CLN8: variants seen among roughly 807,000 people sequenced by gnomAD.
The protein encoded by CLN8 is CLN8 transmembrane ER and ERGIC protein, also known as protein CLN8.
CLN8 carries 14 observed loss-of-function variants against 15.7 expected under a neutral mutation model. That is an observed-to-expected ratio of 0.89 (90% CI 0.59 to 1.39). The LOEUF (loss-of-function observed/expected upper bound fraction) is 1.39, where lower values mean the gene tolerates loss of function less well. Among genes scored for constraint, CLN8 ranks in the 40% most tolerant of loss-of-function variants. The pLI is 0.00. For synonymous variants in CLN8, 188 were observed against 151.0 expected (o/e 1.25, Z -1.80); for missense variants, 415 against 364.0 (o/e 1.14, Z -1.14).
intron 1 of CLN8, among the ~76,000 whole-genome samples, chr8:1,766,950 G>A (rs1364130425): frequency 6.6e-6 from 1 of 152,344 alleles, no homozygotes. Flanking sequence ...ACTTCTGTGG[G>A]TGCCCACCTT....
chr8:1,780,691 C>G lies in CLN8; in HGVS notation c.*124C>G. 1.2e-6 allele frequency: 1 copy of G among 857,632 alleles called. No homozygotes were observed. Among genetic ancestry groups the G allele is most frequent in the Non-Finnish European group, 1.8e-6 (1 of 554,124 alleles). 53.1% of individuals were successfully genotyped at this position (857,632 alleles called of 1,614,324 possible). On this transcript the variant is annotated 3_prime_UTR_variant, in exon 3 of 3. Coordinates refer to ENST00000331222, the MANE Select transcript of CLN8 (RefSeq NM_018941.4). ...TTTGTGTTTACTTCTAAGGGAAATA[C>G]TAACTTTCTTTCGCATTAGTATTAA...
upstream of CLN8, among the ~76,000 whole-genome samples, chr8:1,760,795 G>A (rs752059663): frequency 6.6e-6 from 1 of 152,154 alleles, no homozygotes; most frequent in Non-Finnish European, 1.5e-5. Flanking sequence ...AGTGCAGTGA[G>A]AGACAGCTGC....
intron 1 of CLN8, among the ~76,000 whole-genome samples, chr8:1,756,597 T>C (rs1459269442): frequency 7.1e-6 from 1 of 141,170 alleles, no homozygotes. Flanking sequence ...GGTTTGAGTC[T>C]ATAAATTTGT....
chr8:1,780,566 A>G lies in CLN8; in HGVS notation c.860A>G (p.Ter287TrpextTer26). Residue 287 changes from the stop codon to tryptophan (W), a stop_lost, in exon 3 of 3, where the codon TAG becomes TGG. Transcript: ENST00000331222. ...NGQLLRKKRP* is the reference protein window; with the variant it reads ...NGQLLRKKRPW ...CAGCTGCTGCGGAAGAAGAGGCCAT[A>G]GCTGCTCCAGCCGGGGCTCCGGGGC... 2 of 1,612,770 alleles carry G rather than the reference A, an allele frequency of 1.2e-6. No individual in the cohort carries two copies. Among genetic ancestry groups the G allele is most frequent in the Non-Finnish European group, 1.7e-6 (2 of 1,178,952 alleles).
exon 1 of CLN8, chr8:1,755,804 C>A (rs1010020650): frequency 6.6e-6 from 1 of 152,222 alleles, no homozygotes; most frequent in African/African-American, 2.4e-5. Context: ...GCAGAGTCAT[C>A]TTCAGAATGA....
intron 2 of CLN8, among the ~76,000 whole-genome samples, chr8:1,774,594 G>T (rs7008465): frequency 0.82 from 125,292 of 152,154 alleles, 52,000 homozygotes; most frequent in African/African-American, 0.91. Flanking sequence ...TTAGGATGGG[G>T]GTCTAAGTCA....
intron 1 of CLN8, among the ~76,000 whole-genome samples, chr8:1,764,105 C>A (rs1489940152): frequency 1.3e-5 from 2 of 148,816 alleles, no homozygotes; most frequent in Non-Finnish European, 3.0e-5. Context: ...CCCAGATGGG[C>A]GCGCGGGAGC....
Position 1,785,803 on chromosome 8 carries a change from A to G in CLN8, c.*5236A>G. 1 of 170,926 alleles carries G rather than the reference A, an allele frequency of 5.9e-6. No homozygotes were observed. Among genetic ancestry groups the G allele is most frequent in the South Asian group, 1.1e-4 (1 of 8,908 alleles). The allele number at this position is 170,926 out of a possible 1,614,324, so 10.6% of individuals were successfully genotyped here. On this transcript the variant is annotated 3_prime_UTR_variant, in exon 3 of 3. Coordinates refer to ENST00000331222, the MANE Select transcript of CLN8 (RefSeq NM_018941.4). ...TACTGGTCAGATGCACGGGCTCCCT[A>G]AACCCCTGCTGTGGCTTCGGCAGTA...
chr8:1,753,150 G>A (rs1800592577), upstream of CLN8, among the ~76,000 whole-genome samples: 1 of 152,166 alleles, frequency 6.6e-6, no homozygotes, highest in African/African-American at 2.4e-5. Context: ...CATAAGTTGG[G>A]AGGTTGGTAC....
intron 1 of CLN8, among the ~76,000 whole-genome samples, chr8:1,768,442 A>G (rs1801154010): frequency 6.6e-6 from 1 of 152,154 alleles, no homozygotes; most frequent in African/African-American, 2.4e-5. Flanking sequence ...AGCCTTCTGG[A>G]GTCGGGGTTT....
rs986978282 is a variant in CLN8 at position 1,783,401 on chromosome 8, G to A, written c.*2834G>A. Reference sequence around the variant, plus strand: ...TCGGCCTTAACTCCACCTGATGGCAGGTGACCCGGATAGAAAATGGCCCTG... The same window carrying A: ...TCGGCCTTAACTCCACCTGATGGCAAGTGACCCGGATAGAAAATGGCCCTG... On this transcript the variant is annotated 3_prime_UTR_variant, in exon 3 of 3. Coordinates refer to ENST00000331222, the MANE Select transcript of CLN8 (RefSeq NM_018941.4). 2.0e-5 allele frequency: 3 copies of A among 152,266 alleles called. No individual in the cohort carries two copies. The highest frequency in any genetic ancestry group is 4.4e-5 in the Non-Finnish European group (3 of 68,046). 9.4% of individuals were successfully genotyped at this position (152,266 alleles called of 1,614,324 possible). A position where few individuals can be genotyped will look rare whatever the true frequency, so the allele number is the denominator to read the frequency against.
intron 1 of CLN8, among the ~76,000 whole-genome samples, chr8:1,757,670 G>T (rs1403258156): frequency 6.6e-6 from 1 of 152,152 alleles, no homozygotes; most frequent in South Asian, 2.1e-4. Flanking sequence ...GACCTCAGGA[G>T]ATCCACCCGC....
At position 1,782,990 on chromosome 8, in the gene CLN8, C is replaced by G. The variant is rs990347592; in HGVS notation, c.*2423C>G. On this transcript the variant is annotated 3_prime_UTR_variant, in exon 3 of 3. Transcript: ENST00000331222. ...GTCCAGTGTCACCCACACATTGGTC[C>G]GGGGACCCCTCAGTGCAGAGCCTGA... 1 of 152,232 alleles carries G rather than the reference C, an allele frequency of 6.6e-6. No homozygotes were observed. The highest frequency in any genetic ancestry group is 1.5e-5 in the Non-Finnish European group (1 of 68,094). The allele number at this position is 152,232 out of a possible 1,614,324, so 9.4% of individuals were successfully genotyped here. A position where few individuals can be genotyped will look rare whatever the true frequency, so the allele number is the denominator to read the frequency against.
chr8:1,766,092 G>A (rs375138012), intron 1 of CLN8, among the ~76,000 whole-genome samples: 44 of 152,306 alleles, frequency 2.9e-4, no homozygotes, highest in African/African-American at 9.1e-4. Context: ...TCACACTGCA[G>A]CAACAGAGCT....
intron 2 of CLN8, among the ~76,000 whole-genome samples, chr8:1,779,195 C>G (rs1349569321): frequency 6.6e-6 from 1 of 152,110 alleles, no homozygotes; most frequent in African/African-American, 2.4e-5. Context: ...AGCTAATATA[C>G]CTGGGGCTTT....
upstream of CLN8, among the ~76,000 whole-genome samples, chr8:1,755,200 G>C (rs1258847199): frequency 6.6e-6 from 1 of 152,220 alleles, no homozygotes; most frequent in Non-Finnish European, 1.5e-5. Context: ...TTGGTGAAAT[G>C]ACACGGGTCT....
chr8:1,753,287 C>T (rs1437127543), upstream of CLN8, among the ~76,000 whole-genome samples: 2 of 141,782 alleles, frequency 1.4e-5, no homozygotes, highest in Non-Finnish European at 3.1e-5. Flanking sequence ...TTTGTCATTC[C>T]TGGCTGGGCG....
chr8:1,753,569 C>CAGA (rs113516147), upstream of CLN8, among the ~76,000 whole-genome samples: 1 of 102,622 alleles, frequency 9.7e-6, no homozygotes, highest in Non-Finnish European at 1.8e-5. Context: ...GAAACTGTTT[C>CAGA]AAAAAAAAAA....
chr8:1,762,268 C>T (rs1011423262), upstream of CLN8: 2 of 152,246 alleles, frequency 1.3e-5, no homozygotes, highest in Non-Finnish European at 1.5e-5. Flanking sequence ...CTCACTGCAA[C>T]CTCTGCCTCC....
Sources: allele counts gnomAD v4.1 joint callset (sites outside exome capture counted in the v4.1 genomes callset), GRCh38; gene constraint gnomAD v4.1.1; transcripts MANE v1.5; gene names NCBI Gene and HGNC (gene_info 2026-07-23, HGNC 2026-07-21).